BAZ1B: variants seen among roughly 807,000 people sequenced by gnomAD.
BAZ1B encodes the protein bromodomain adjacent to zinc finger domain 1B, also known as tyrosine-protein kinase BAZ1B.
BAZ1B carries 22 observed loss-of-function variants against 153.8 expected under a neutral mutation model. The ratio of observed to expected loss-of-function variants is 0.14; its 90% CI spans 0.10 to 0.20. BAZ1B has a LOEUF of 0.20. Among genes scored for constraint, BAZ1B ranks in the 10% least tolerant of loss-of-function variants. BAZ1B has a pLI of 1.00. For synonymous variants in BAZ1B, 676 were observed against 633.4 expected (o/e 1.07, Z -1.01); for missense variants, 1,325 against 1,799.3 (o/e 0.74, Z 4.77).
Position 73,447,383 on chromosome 7 carries a change from T to C in BAZ1B, c.3729-4A>G. 1 of 1,607,742 alleles carries C rather than the reference T, an allele frequency of 6.2e-7. No homozygotes were observed. The highest frequency in any genetic ancestry group is 8.5e-7 in the Non-Finnish European group (1 of 1,176,704). On this transcript the variant is annotated splice_polypyrimidine_tract_variant and splice_region_variant and intron_variant, in intron 15 of 19. Coordinates refer to ENST00000339594, the MANE Select transcript of BAZ1B (RefSeq NM_032408.4). ...AGCAGACTCTTCAGTATAGTTCCTG[T>C]GGGTAGAAAAAATAATGTAGGGAAC...
At chr7:73,458,711 T>C (rs1788286007) in intron 13 of BAZ1B, among the ~76,000 whole-genome samples, 1 of 150,616 alleles carries the variant, frequency 6.6e-6, no homozygotes. Flanking sequence ...ATGTTATGCA[T>C]ATTTTTACCA....
At chr7:73,491,744 G>A (rs993989712) in intron 5 of BAZ1B, among the ~76,000 whole-genome samples, 1 of 152,148 alleles carries the variant, frequency 6.6e-6, no homozygotes, top group Non-Finnish European at 1.5e-5. Context: ...AGAAGCAAAA[G>A]ATTTGGGTTA....
At position 73,521,708 on chromosome 7, in the gene BAZ1B, C is replaced by A. The variant is rs1554580240; in HGVS notation, c.107+119G>T. The A allele has an allele frequency of 6.3e-6, 5 of 787,754 alleles. No individual in the cohort carries two copies. The East Asian group carries it at 2.0e-4, about 31-fold the overall frequency. 48.8% of individuals were successfully genotyped at this position (787,754 alleles called of 1,614,324 possible). ...CTCAGCCTCCAGGCCCGCGAGCGGC[C>A]GGGGCGCGCTGACAGCTGCCCCGGG... On this transcript the variant is annotated intron_variant, in intron 1 of 19. Coordinates refer to ENST00000339594, the MANE Select transcript of BAZ1B (RefSeq NM_032408.4).
chr7:73,485,790 AT>A (rs1789385328), intron 6 of BAZ1B, among the ~76,000 whole-genome samples: 1 of 152,158 alleles, frequency 6.6e-6, no homozygotes, highest in Admixed American at 6.5e-5. Context: ...ACAAGGCTAA[AT>A]TCATGCAGGA....
At chr7:73,486,727 A>G (rs930156721) in intron 6 of BAZ1B, among the ~76,000 whole-genome samples, 14 of 152,214 alleles carry the variant, frequency 9.2e-5, no homozygotes, top group African/African-American at 3.4e-4. Flanking sequence ...CAAAAACCAA[A>G]GAGTATACAG....
At chr7:73,456,664 G>A (rs1216303815) in intron 13 of BAZ1B, among the ~76,000 whole-genome samples, 3 of 152,112 alleles carry the variant, frequency 2.0e-5, no homozygotes, top group Non-Finnish European at 2.9e-5. Flanking sequence ...GGCAAAGGCT[G>A]GGCGTGGTGG....
intron 9 of BAZ1B, among the ~76,000 whole-genome samples, chr7:73,468,567 G>A (rs1261978546): frequency 6.6e-6 from 1 of 151,876 alleles, no homozygotes; most frequent in Non-Finnish European, 1.5e-5. Flanking sequence ...GAAAGAATAT[G>A]GATATATATT....
chr7:73,445,756 A>G (rs898816701), intron 16 of BAZ1B, among the ~76,000 whole-genome samples: 1 of 152,100 alleles, frequency 6.6e-6, no homozygotes, highest in Non-Finnish European at 1.5e-5. Flanking sequence ...GCTGCTCAGG[A>G]GGCTGAGGTA....
intron 6 of BAZ1B, among the ~76,000 whole-genome samples, chr7:73,486,640 C>T (rs1789419692): frequency 6.6e-6 from 1 of 152,088 alleles, no homozygotes; most frequent in Non-Finnish European, 1.5e-5. Context: ...AAAACTATTG[C>T]TCAGAACTCA....
intron 3 of BAZ1B, among the ~76,000 whole-genome samples, chr7:73,507,005 A>G (rs1296527419): frequency 6.9e-6 from 1 of 144,172 alleles, no homozygotes; most frequent in Non-Finnish European, 1.5e-5. Context: ...CAGCCTCCCG[A>G]GTAGCTGGGA....
intron 6 of BAZ1B, among the ~76,000 whole-genome samples, chr7:73,484,312 T>TAGACAGAC (rs1158399182): frequency 8.7e-5 from 13 of 149,258 alleles, no homozygotes; most frequent in African/African-American, 2.0e-4. Context: ...GATAGATAGA[T>TAGACAGAC]AGACAGACAG....
intron 4 of BAZ1B, among the ~76,000 whole-genome samples, chr7:73,497,079 A>AAAAAAAAAAAAAAAAAAAAAAAAAAAAC (rs1789937001): frequency 6.6e-6 from 1 of 151,076 alleles, no homozygotes; most frequent in African/African-American, 2.4e-5. Context: ...AAAAAAAAAA[A>AAAAAAAAAAAAAAAAAAAAAAAAAAAAC]AAAACCTACA....
chr7:73,448,919 T>C (rs13231516), intron 15 of BAZ1B, among the ~76,000 whole-genome samples: 1 of 151,916 alleles, frequency 6.6e-6, no homozygotes, highest in African/African-American at 2.4e-5. Flanking sequence ...GTTGCAATAG[T>C]TGGGTGGATA....
intron 15 of BAZ1B, among the ~76,000 whole-genome samples, chr7:73,447,819 C>G (rs1787894669): frequency 6.6e-6 from 1 of 152,242 alleles, no homozygotes; most frequent in Admixed American, 6.5e-5. Flanking sequence ...TGATGGCCCC[C>G]TTCCAGGAGC....
At chr7:73,507,774 G>A (rs781858077) in intron 3 of BAZ1B, among the ~76,000 whole-genome samples, 4 of 152,176 alleles carry the variant, frequency 2.6e-5, no homozygotes, top group Non-Finnish European at 4.4e-5. Flanking sequence ...TGAGGTGGGC[G>A]GACGGCTTAA....
intron 17 of BAZ1B, among the ~76,000 whole-genome samples, chr7:73,443,135 A>G (rs1787692010): frequency 6.6e-6 from 1 of 152,196 alleles, no homozygotes; most frequent in South Asian, 2.1e-4. Flanking sequence ...TACTGTCAAC[A>G]GGACACTAGC....
chr7:73,480,754 C>G (rs918924707), intron 6 of BAZ1B, among the ~76,000 whole-genome samples: 2 of 152,028 alleles, frequency 1.3e-5, no homozygotes, highest in African/African-American at 4.8e-5. Context: ...GGCAAGAAAA[C>G]AGCTAAGGAT....
chr7:73,472,352 G>A (rs552596356), intron 7 of BAZ1B, among the ~76,000 whole-genome samples: 1 of 151,716 alleles, frequency 6.6e-6, no homozygotes, highest in Admixed American at 6.6e-5. Flanking sequence ...TCCGCCTGCC[G>A]GGTTCAAGTG....
chr7:73,462,359 T>C (rs1197094235), intron 12 of BAZ1B: 1 of 154,872 alleles, frequency 6.5e-6, no homozygotes, highest in East Asian at 1.9e-4. Flanking sequence ...CGGTTTATAA[T>C]AGTAATTGAT....
Sources: gnomAD v4.1 joint callset for allele counts (sites outside exome capture counted in the v4.1 genomes callset) on GRCh38, gnomAD v4.1.1 for gene constraint, MANE v1.5 for transcripts, NCBI Gene and HGNC (gene_info 2026-07-23, HGNC 2026-07-21) for gene names.